PTBP1: variants seen among roughly 807,000 people sequenced by gnomAD.
PTBP1 encodes polypyrimidine tract-binding protein 1.
Under a neutral mutation model 59.8 loss-of-function variants are expected in PTBP1, and 8 were observed. The ratio of observed to expected loss-of-function variants is 0.13; its 90% CI spans 0.08 to 0.24. The LOEUF is 0.24. Among genes scored for constraint, PTBP1 ranks in the 10% least tolerant of loss-of-function variants. The probability of loss-of-function intolerance (pLI) is 1.00; values close to 1 mark genes in which losing one functional copy is unlikely to be tolerated. For synonymous variants in PTBP1, 490 were observed against 320.7 expected, an observed-to-expected ratio of 1.53 and a Z score of -5.64; for missense variants, 686 against 767.0, an observed-to-expected ratio of 0.89 and a Z score of 1.25.
intron 10 of PTBP1, chr19:807,571 T>A (rs2034642803): frequency 2.4e-6 from 1 of 422,834 alleles, no homozygotes; most frequent in Non-Finnish European, 4.2e-6. Context: ...TTTCCCTATT[T>A]TTTTTCTTGC....
intron 3 of PTBP1, among the ~76,000 whole-genome samples, 174 bp from the exon 4 acceptor site, chr19:803,862 G>C (rs1477019194): frequency 6.6e-6 from 1 of 152,204 alleles, no homozygotes; most frequent in Non-Finnish European, 1.5e-5. Context: ...GAGCTGTCGG[G>C]AGCAGGGGTC....
Position 804,396 on chromosome 19 carries a change from C to T in PTBP1, c.393C>T (p.Ser131=), listed in dbSNP as rs3180287. 0.15 allele frequency: 246,355 copies of T among 1,612,362 alleles called. 21,131 individuals carry two copies. The highest frequency in any genetic ancestry group is 0.25 in the Admixed American group (15,100 of 59,962). Residue 131 remains serine, a synonymous_variant, in exon 5 of 15, where the codon TCC becomes TCT. Coordinates refer to ENST00000356948, the MANE Select transcript of PTBP1 (RefSeq NM_002819.5). ...LRGQPIYIQF[S]NHKELKTDSS... Reference sequence around the variant, plus strand: ...GCCAGCCCATCTACATCCAGTTCTCCAACCACAAGGAGCTGAAGACCGACA... The same window carrying T: ...GCCAGCCCATCTACATCCAGTTCTCTAACCACAAGGAGCTGAAGACCGACA...
chr19:803,930 T>C, intron 3 of PTBP1, 106 bp from the exon 4 acceptor site: 1 of 1,344,870 alleles, frequency 7.4e-7, no homozygotes, highest in Non-Finnish European at 1.0e-6. Flanking sequence ...CTCCTGGGGC[T>C]CAGGGTTGGT....
rs745341451 is a variant in PTBP1 at position 806,479 on chromosome 19, G to A, written c.1042G>A (p.Ala348Thr). 6.3e-7 allele frequency: 1 copy of A among 1,590,052 alleles called. No individual in the cohort carries two copies. Among genetic ancestry groups the A allele is most frequent in the Non-Finnish European group, 8.5e-7 (1 of 1,169,700 alleles). The change falls in exon 10 of 15, where the codon GCG becomes ACG. Residue 348 changes from alanine (A) to threonine (T), a missense_variant. Transcript: ENST00000356948. Reference sequence around the variant, plus strand: ...CCCCTCGGCGGCGGCGGCAGCTGCGGCGGCAGGTCGGATCGCCATCCCGGG... The same window carrying A: ...CCCCTCGGCGGCGGCGGCAGCTGCGACGGCAGGTCGGATCGCCATCCCGGG... The part of the protein sequence containing the change: ...AIPSAAAAAA[A>T]AGRIAIPGLA...
chr19:801,761 C>T (rs1205289546), intron 2 of PTBP1, among the ~76,000 whole-genome samples: 1 of 152,150 alleles, frequency 6.6e-6, no homozygotes, highest in African/African-American at 2.4e-5. Flanking sequence ...GTCCTCCCTT[C>T]CTCCGGTCCT....
chr19:806,246 C>CG (rs1165807496), intron 9 of PTBP1, 162 bp from the exon 10 acceptor site: 4 of 711,420 alleles, frequency 5.6e-6, no homozygotes, highest in Non-Finnish European at 8.5e-6. Context: ...GGTGGCTGTG[C>CG]GGGGGTCGGA....
intron 2 of PTBP1, among the ~76,000 whole-genome samples, chr19:802,696 T>C (rs1389313579): frequency 6.6e-6 from 1 of 152,222 alleles, no homozygotes; most frequent in Non-Finnish European, 1.5e-5. Flanking sequence ...TTGTTTTCTG[T>C]GTAACTAAGG....
At chr19:803,390 G>A (rs971830524) in intron 2 of PTBP1, among the ~76,000 whole-genome samples, 171 bp from the exon 3 acceptor site, 3 of 152,202 alleles carry the variant, frequency 2.0e-5, no homozygotes, top group Non-Finnish European at 2.9e-5. Flanking sequence ...TGCCGTGCGC[G>A]TCCATGGGCT....
chr19:805,524 G>T lies in PTBP1; in HGVS notation c.925G>T (p.Ala309Ser). 2 of 1,613,910 alleles carry T rather than the reference G, an allele frequency of 1.2e-6. No individual in the cohort carries two copies. The highest frequency in any genetic ancestry group is 1.7e-6 in the Non-Finnish European group (2 of 1,179,768). Reference sequence around the variant, plus strand: ...TGGTATAATCTCAGCCTCTCCGTATGCAGGAGCTGGTTTCCCTCCCACCTT... The same window carrying T: ...TGGTATAATCTCAGCCTCTCCGTATTCAGGAGCTGGTTTCCCTCCCACCTT... The part of the protein sequence containing the change: ...APGIISASPY[A>S]GAGFPPTFAI... The change falls in exon 9 of 15, where the codon GCA (alanine) becomes TCA (serine). Residue 309 changes from alanine to serine, a missense_variant. Coordinates refer to ENST00000356948, the MANE Select transcript of PTBP1 (RefSeq NM_002819.5).
Position 804,569 on chromosome 19 carries a change from A to C in PTBP1, c.473A>C (p.Gln158Pro), listed in dbSNP as rs1219168037. The C allele has an allele frequency of 1.2e-6, 2 of 1,609,212 alleles. No individual in the cohort carries two copies. The highest frequency in any genetic ancestry group is 4.5e-5 in the East Asian group (2 of 44,860). ...GCCCTGCAGGCGGTGAACTCGGTCC[A>C]GTCGGGGAACCTGGCCTTGGCTGCC... ...QAALQAVNSV[Q>P]SGNLALAASA... The change falls in exon 6 of 15, where the codon CAG becomes CCG. Residue 158 changes from glutamine to proline, a missense_variant. By Grantham distance (76) the Gln-to-Pro change is moderately conservative. Coordinates refer to ENST00000356948, the MANE Select transcript of PTBP1 (RefSeq NM_002819.5).
chr19:807,552 C>T (rs918114767), intron 10 of PTBP1: 29 of 373,230 alleles, frequency 7.8e-5, no homozygotes, highest in South Asian at 1.1e-4. Context: ...TTCTTTTCTC[C>T]CCTTCCCCTT....
intron 5 of PTBP1, 28 bp from the exon 6 acceptor site, chr19:804,504 C>T (rs777361804): frequency 4.1e-5 from 66 of 1,594,144 alleles, no homozygotes; most frequent in African/African-American, 5.4e-5. Context: ...CCGCAGGGGC[C>T]GGGGACTCAC....
chr19:802,846 T>G (rs2034396289), intron 2 of PTBP1, among the ~76,000 whole-genome samples: 1 of 152,194 alleles, frequency 6.6e-6, no homozygotes, highest in African/African-American at 2.4e-5. Context: ...TACATAGAAA[T>G]AACCAGTGAA....
chr19:797,707 C>G (rs1267119220), intron 1 of PTBP1, among the ~76,000 whole-genome samples: 2 of 149,192 alleles, frequency 1.3e-5, no homozygotes, highest in African/African-American at 4.9e-5. Context: ...TCCCCATCCC[C>G]CGTCCGGCCC....
chr19:797,839 C>T (rs1250217270), intron 1 of PTBP1, among the ~76,000 whole-genome samples: 1 of 148,706 alleles, frequency 6.7e-6, no homozygotes, highest in Non-Finnish European at 1.5e-5. Flanking sequence ...TTCCCGCTTC[C>T]CGTCCGGCCC....
chr19:810,538 C>G lies in PTBP1; in HGVS notation c.1464-5C>G, dbSNP rs1406577808. 7 of 1,612,854 alleles carry G rather than the reference C, an allele frequency of 4.3e-6. No homozygotes were observed. The highest frequency in any genetic ancestry group is 5.9e-6 in the Non-Finnish European group (7 of 1,179,642). On this transcript the variant is annotated splice_region_variant and splice_polypyrimidine_tract_variant and intron_variant, in intron 13 of 14. Coordinates refer to ENST00000356948, the MANE Select transcript of PTBP1 (RefSeq NM_002819.5). ...CCCCAGGCTCACGCCTTTCTCCTCCCACAGGCCCTCAGTCTCCGAGGAGGA... is the reference window on the plus strand; with the variant it reads ...CCCCAGGCTCACGCCTTTCTCCTCCGACAGGCCCTCAGTCTCCGAGGAGGA...
At chr19:809,384 C>T (rs146503426) in intron 13 of PTBP1, among the ~76,000 whole-genome samples, 1,579 of 151,820 alleles carry the variant, frequency 0.01, 10 homozygotes, top group Middle Eastern at 0.059. Flanking sequence ...AGTGCAGTGG[C>T]GGGATCTCTG....
intron 8 of PTBP1, 37 bp downstream of exon 8, chr19:805,224 T>A: frequency 6.2e-7 from 1 of 1,607,920 alleles, no homozygotes; most frequent in South Asian, 1.1e-5. Flanking sequence ...GTGTGCAGAG[T>A]GGTCTATTAG....
At chr19:805,956 G>A in intron 9 of PTBP1, 1 of 278,368 alleles carries the variant, frequency 3.6e-6, no homozygotes, top group Non-Finnish European at 6.8e-6. Flanking sequence ...ACGTGTGTGC[G>A]TGGCCGTCCT....
Sources: gnomAD v4.1 joint callset for allele counts (sites outside exome capture counted in the v4.1 genomes callset) on GRCh38, gnomAD v4.1.1 for gene constraint, MANE v1.5 for transcripts, NCBI Gene and HGNC (gene_info 2026-07-23, HGNC 2026-07-21) for gene names.